UGT1A9: variants seen among roughly 807,000 people sequenced by gnomAD.
UGT1A9 encodes the protein UDP glucuronosyltransferase family 1 member A9, also known as UDP-glucuronosyltransferase 1A9.
UGT1A9 carries 35 observed loss-of-function variants against 45.0 expected under a neutral mutation model. The observed-to-expected ratio is 0.78, with a 90% CI of 0.59 to 1.03. The LOEUF (loss-of-function observed/expected upper bound fraction) is 1.03, where lower values mean the gene tolerates loss of function less well. Among genes scored for constraint, UGT1A9 ranks in the 50% least tolerant of loss-of-function variants. The pLI, the probability that UGT1A9 is intolerant of heterozygous loss-of-function variation, is 0.00. For missense variants in UGT1A9, 687 were observed against 666.6 expected (o/e 1.03, Z -0.34); for synonymous variants, 278 against 250.6 (o/e 1.11, Z -1.03).
intron 1 of UGT1A9, among the ~76,000 whole-genome samples, chr2:233,709,993 T>G (rs2076102141): frequency 6.6e-6 from 1 of 152,226 alleles, no homozygotes; most frequent in African/African-American, 2.4e-5. Context: ...CTGAATGGAA[T>G]CATACAATTA....
chr2:233,717,725 C>A (rs977761305), intron 1 of UGT1A9: 47 of 455,612 alleles, frequency 1.0e-4, no homozygotes, highest in Non-Finnish European at 1.9e-4. Flanking sequence ...GGGCATGAGA[C>A]CATTGTGAGT....
intron 1 of UGT1A9, among the ~76,000 whole-genome samples, chr2:233,695,260 G>A (rs2075276345): frequency 6.6e-6 from 1 of 151,658 alleles, no homozygotes; most frequent in Non-Finnish European, 1.5e-5. Context: ...TGAGTAGCTG[G>A]GACTATAGGC....
intron 1 of UGT1A9, among the ~76,000 whole-genome samples, chr2:233,741,359 CA>C (rs1323316954): frequency 6.6e-6 from 1 of 151,778 alleles, no homozygotes; most frequent in Non-Finnish European, 1.5e-5. Flanking sequence ...CACAAAACCA[CA>C]ATGAAACTGC....
intron 1 of UGT1A9, among the ~76,000 whole-genome samples, chr2:233,711,058 A>G (rs1484955286): frequency 6.6e-6 from 1 of 152,152 alleles, no homozygotes; most frequent in African/African-American, 2.4e-5. Context: ...CATGGCTTCA[A>G]TCACCACTTA....
At chr2:233,686,163 T>C (rs1162528711) in intron 1 of UGT1A9, among the ~76,000 whole-genome samples, 1 of 152,042 alleles carries the variant, frequency 6.6e-6, no homozygotes, top group African/African-American at 2.4e-5. Context: ...ATCAAAGACC[T>C]AAATAGAAAA....
intron 1 of UGT1A9, chr2:233,691,761 TC>T (rs752208388): frequency 5.9e-5 from 26 of 440,350 alleles, no homozygotes; most frequent in Non-Finnish European, 7.8e-5. Flanking sequence ...TGACTCCTGC[TC>T]TAGGATTCTC....
At chr2:233,688,319 A>G in intron 1 of UGT1A9, among the ~76,000 whole-genome samples, 1 of 152,240 alleles carries the variant, frequency 6.6e-6, no homozygotes, top group Admixed American at 6.5e-5. Context: ...CAGTTGGTGG[A>G]CATTTGGGTT....
At chr2:233,763,341 T>G (rs1156611161) in intron 1 of UGT1A9, among the ~76,000 whole-genome samples, 1 of 152,260 alleles carries the variant, frequency 6.6e-6, no homozygotes, top group Admixed American at 6.5e-5. Context: ...TACATTTCCC[T>G]AGCACATCTT....
At position 233,743,108 on chromosome 2, in the gene UGT1A9, C is replaced by G. The variant is rs1240722532; in HGVS notation, c.856-23926C>G. ...TTATAAATTCTTGGGTACAGCTGTT[C>G]TGAAAGTAAAGTTCACTTTCAATCC... On this transcript the variant is annotated intron_variant, in intron 1 of 4. Transcript: ENST00000354728. The G allele has an allele frequency of 4.8e-5, 17 of 354,252 alleles. No homozygotes were observed. The East Asian group carries it at 6.6e-4, about 14-fold the overall frequency. The allele number at this position is 354,252 out of a possible 1,614,324, so 21.9% of individuals were successfully genotyped here.
intron 1 of UGT1A9, among the ~76,000 whole-genome samples, chr2:233,756,690 C>T (rs1266086020): frequency 6.6e-6 from 1 of 152,102 alleles, no homozygotes; most frequent in Non-Finnish European, 1.5e-5. Flanking sequence ...TATATAATGA[C>T]GATGAATTTT....
At position 233,769,446 on chromosome 2, in the gene UGT1A9, C is replaced by T. The variant is rs1239046634; in HGVS notation, c.1295+1007C>T. 4 of 1,588,334 alleles carry T rather than the reference C, an allele frequency of 2.5e-6. No homozygotes were observed. The highest frequency in any genetic ancestry group is 3.4e-6 in the Non-Finnish European group (4 of 1,161,110). On this transcript the variant is annotated intron_variant, in intron 4 of 4. Coordinates refer to ENST00000354728, the MANE Select transcript of UGT1A9 (RefSeq NM_021027.3). This position sits in a 1 kb window ranked among gnomAD's most constrained non-coding sequence, Gnocchi z 4.4. ...GTGGCTGTGCTCATGTGTGGGTGCA[C>T]ACGTGTGCATTCATATGCGTGTGTG...
intron 1 of UGT1A9, among the ~76,000 whole-genome samples, chr2:233,700,945 C>T (rs1367843958): frequency 1.3e-5 from 2 of 152,032 alleles, no homozygotes; most frequent in Non-Finnish European, 2.9e-5. Flanking sequence ...GTTCAATTCC[C>T]ACCTATGAGT....
At chr2:233,729,179 T>C (rs200023814) in intron 1 of UGT1A9, 112 of 1,613,806 alleles carry the variant, frequency 6.9e-5, no homozygotes, top group Non-Finnish European at 9.3e-6. Context: ...GGACTGCTGC[T>C]TCTCCTCAGT....
At chr2:233,685,644 A>G (rs369338896) in intron 1 of UGT1A9, among the ~76,000 whole-genome samples, 47 of 152,360 alleles carry the variant, frequency 3.1e-4, no homozygotes, top group African/African-American at 1.1e-3. Context: ...TCGAACATAT[A>G]CCAAGGAGAG....
chr2:233,751,050 G>A (rs1201577547), intron 1 of UGT1A9, among the ~76,000 whole-genome samples: 3 of 151,910 alleles, frequency 2.0e-5, no homozygotes, highest in Admixed American at 2.0e-4. Context: ...GCCTGGAAAA[G>A]ACACAGACAC....
In UGT1A9 at chr2:233,702,744, C is replaced by A. The variant is rs28899179; in HGVS notation, c.855+29955C>A. The stretch of plus-strand genomic sequence containing the variant: ...TGAACATGGTTTTCTTTTTGGTCCC[C>A]TATTCTAGTGATATGTGTTAATTGA... On this transcript the variant is annotated intron_variant, in intron 1 of 4. Coordinates refer to ENST00000354728, the MANE Select transcript of UGT1A9 (RefSeq NM_021027.3). Among the ~76,000 whole-genome samples, 1,245 of 152,216 alleles carry A rather than the reference C, an allele frequency of 8.2e-3. 20 individuals are homozygous for A. Among genetic ancestry groups the A allele is most frequent in the African/African-American group, 0.028 (1,155 of 41,538 alleles).
rs574815522 is a variant in UGT1A9 at position 233,710,585 on chromosome 2, C to T, written c.855+37796C>T. ...TAAAAGGTGCCCTTTCAAAATCTTC[C>T]GCACACCTTTATTGGTTTGTTTGTC... On this transcript the variant is annotated intron_variant, in intron 1 of 4. Transcript: ENST00000354728. Among the ~76,000 whole-genome samples, 12 of 152,214 alleles carry T rather than the reference C, an allele frequency of 7.9e-5. No homozygotes were observed. The South Asian group carries it at 1.7e-3, about 21-fold the overall frequency.
intron 1 of UGT1A9, among the ~76,000 whole-genome samples, chr2:233,680,703 T>C (rs1021563912): frequency 1.3e-5 from 2 of 152,110 alleles, no homozygotes; most frequent in African/African-American, 4.8e-5. Flanking sequence ...AGGTAGAAGA[T>C]GTAATCTCAT....
At chr2:233,682,827 T>A (rs771011097) in intron 1 of UGT1A9, 7 of 1,565,042 alleles carry the variant, frequency 4.5e-6, no homozygotes, top group South Asian at 2.4e-5. Flanking sequence ...TTAAGAATAA[T>A]CTGGCTTTGG....
Sources: gnomAD v4.1 joint callset for allele counts (sites outside exome capture counted in the v4.1 genomes callset) on GRCh38, gnomAD v4.1.1 for gene constraint, Gnocchi (gnomAD v3.1) non-coding constraint, MANE v1.5 for transcripts, NCBI Gene and HGNC (gene_info 2026-07-23, HGNC 2026-07-21) for gene names.